Variants in GRM7 observed in about 807,000 individuals in gnomAD.
GRM7 encodes the protein metabotropic glutamate receptor 7.
Under a neutral mutation model 84.5 loss-of-function variants are expected in GRM7, and 35 were observed. The observed-to-expected ratio is 0.41, with a 90% CI of 0.32 to 0.55. The LOEUF (loss-of-function observed/expected upper bound fraction) is 0.55. Among genes scored for constraint, GRM7 ranks in the 20% least tolerant of loss-of-function variants. The pLI is 0.19. For synonymous variants in GRM7, 487 were observed against 455.1 expected, an observed-to-expected ratio of 1.07 and a Z score of -0.89; for missense variants, 1,003 against 1,194.6, an observed-to-expected ratio of 0.84 and a Z score of 2.36.
intron 2 of GRM7, among the ~76,000 whole-genome samples, chr3:7,220,632 A>G (rs1383448767): frequency 1.3e-5 from 2 of 152,210 alleles, no homozygotes; most frequent in South Asian, 2.1e-4. Context: ...CCAATAAAGT[A>G]TGAATTTAGT....
intron 7 of GRM7, among the ~76,000 whole-genome samples, chr3:7,501,313 T>C (rs1411465494): frequency 6.6e-6 from 1 of 152,242 alleles, no homozygotes; most frequent in Non-Finnish European, 1.5e-5. Flanking sequence ...ATTTGGATAT[T>C]CTTATTAAGA....
At chr3:7,373,359 T>C (rs1018265783) in intron 4 of GRM7, among the ~76,000 whole-genome samples, 1 of 152,186 alleles carries the variant, frequency 6.6e-6, no homozygotes, top group Non-Finnish European at 1.5e-5. Flanking sequence ...TCTTGGCTAA[T>C]TTTATTTTAT....
chr3:7,211,959 T>C (rs1696445195), intron 2 of GRM7, among the ~76,000 whole-genome samples: 1 of 151,980 alleles, frequency 6.6e-6, no homozygotes, highest in Non-Finnish European at 1.5e-5. Flanking sequence ...CTTTTTTTTT[T>C]TCTCCAATTA....
intron 4 of GRM7, among the ~76,000 whole-genome samples, chr3:7,410,569 CT>C (rs1695882547): frequency 7.2e-6 from 1 of 139,796 alleles, no homozygotes; most frequent in Non-Finnish European, 1.5e-5. Context: ...AAGACCCTGT[CT>C]CAAAAAAACA....
chr3:7,693,836 T>TA, intron 9 of GRM7: 1 of 546,040 alleles, frequency 1.8e-6, no homozygotes, highest in South Asian at 2.8e-5. Context: ...AACATCCTCT[T>TA]AAAAGTCCAA....
chr3:7,128,241 A>T (rs1443748920), intron 1 of GRM7, among the ~76,000 whole-genome samples: 3 of 152,028 alleles, frequency 2.0e-5, no homozygotes, highest in East Asian at 1.9e-4. Flanking sequence ...AAAAAATAAA[A>T]TGCATCTCAT....
At chr3:7,154,179 C>T (rs1001761080) in intron 2 of GRM7, among the ~76,000 whole-genome samples, 1 of 152,138 alleles carries the variant, frequency 6.6e-6, no homozygotes, top group African/African-American at 2.4e-5. Flanking sequence ...GCTTTTAAAC[C>T]AAGAACATCG....
chr3:7,211,945 G>A (rs535459728), intron 2 of GRM7, among the ~76,000 whole-genome samples: 1 of 150,624 alleles, frequency 6.6e-6, no homozygotes, highest in Admixed American at 6.6e-5. Flanking sequence ...TTTTTGTCTG[G>A]CACCTTTTTT....
intron 4 of GRM7, among the ~76,000 whole-genome samples, chr3:7,316,506 A>G (rs909168084): frequency 4.6e-5 from 7 of 152,172 alleles, no homozygotes; most frequent in African/African-American, 1.7e-4. Context: ...AAGATAATGA[A>G]ATAAGTCTGG....
intron 8 of GRM7, among the ~76,000 whole-genome samples, chr3:7,647,561 G>A (rs1698703869): frequency 6.6e-6 from 1 of 152,146 alleles, no homozygotes; most frequent in Non-Finnish European, 1.5e-5. Context: ...AAGCCAATGG[G>A]GAGTTGGAAG....
intron 2 of GRM7, among the ~76,000 whole-genome samples, chr3:7,167,483 A>G (rs760769765): frequency 1.1e-4 from 17 of 152,180 alleles, no homozygotes; most frequent in Non-Finnish European, 2.4e-4. Flanking sequence ...CTTAAGGGAA[A>G]CATTGAATTT....
intron 4 of GRM7, among the ~76,000 whole-genome samples, chr3:7,341,545 G>T (rs1254309806): frequency 6.6e-6 from 1 of 151,976 alleles, no homozygotes; most frequent in Non-Finnish European, 1.5e-5. Context: ...TCTCTTACAA[G>T]AGCTTGCAGT....
At chr3:7,011,536 C>G (rs1285352950) in intron 1 of GRM7, among the ~76,000 whole-genome samples, 1 of 152,128 alleles carries the variant, frequency 6.6e-6, no homozygotes, top group Non-Finnish European at 1.5e-5. Flanking sequence ...ACTTTTTATA[C>G]TCAGTTTAAT....
intron 2 of GRM7, among the ~76,000 whole-genome samples, chr3:7,236,737 T>C (rs868832910): frequency 4.6e-5 from 7 of 152,166 alleles, no homozygotes; most frequent in African/African-American, 1.4e-4. Context: ...GTGAATGATA[T>C]CTTTTCCAGA....
intron 1 of GRM7, among the ~76,000 whole-genome samples, chr3:7,090,337 A>T (rs898373516): frequency 5.3e-5 from 8 of 151,774 alleles, no homozygotes; most frequent in African/African-American, 1.7e-4. Flanking sequence ...CTTTCTGGAG[A>T]TAGAGACCTA....
chr3:7,482,080 T>A (rs886455764), intron 7 of GRM7, among the ~76,000 whole-genome samples: 1 of 151,976 alleles, frequency 6.6e-6, no homozygotes, highest in Non-Finnish European at 1.5e-5. Flanking sequence ...CCCAGCTACC[T>A]GGGAGGCTGA....
At chr3:7,061,532 G>A (rs1288704033) in intron 1 of GRM7, among the ~76,000 whole-genome samples, 2 of 151,706 alleles carry the variant, frequency 1.3e-5, no homozygotes, top group Non-Finnish European at 2.9e-5. Flanking sequence ...TTAAGATCTG[G>A]AAATTGTGAT....
At chr3:6,929,005 T>C (rs148688167) in intron 1 of GRM7, among the ~76,000 whole-genome samples, 14 of 152,250 alleles carry the variant, frequency 9.2e-5, no homozygotes, top group African/African-American at 3.4e-4. Flanking sequence ...AGCTGAACAT[T>C]CCACCCACGA....
chr3:6,862,772 A>G lies in GRM7; in HGVS notation c.519+865A>G. On this transcript the variant is annotated intron_variant, in intron 1 of 9. Transcript: ENST00000357716. The surrounding 1 kb of genome is among the most constrained non-coding windows in gnomAD (Gnocchi z 5.2). ...TCTCCCTGACGCAGACCCCAAGCCA[A>G]ATCCTCGGCTTGGAGGACGATTCCC... The G allele has an allele frequency of 3.1e-6, 1 of 319,658 alleles. No individual in the cohort carries two copies. Among genetic ancestry groups the G allele is most frequent in the South Asian group, 2.3e-5 (1 of 44,102 alleles). The allele number at this position is 319,658 out of a possible 1,614,324, so 19.8% of individuals were successfully genotyped here. A position where few individuals can be genotyped will look rare whatever the true frequency, so the allele number is the denominator to read the frequency against.
Sources: allele counts gnomAD v4.1 joint callset (sites outside exome capture counted in the v4.1 genomes callset), GRCh38; gene constraint gnomAD v4.1.1; non-coding constraint Gnocchi (gnomAD v3.1); transcripts MANE v1.5; gene names NCBI Gene and HGNC (gene_info 2026-07-23, HGNC 2026-07-21).